The following TMC1 variants were observed in gnomAD, a reference collection of about 807,000 sequenced individuals.
TMC1 encodes the protein transmembrane channel like 1, also known as transmembrane channel-like protein 1.
In TMC1, 84 loss-of-function variants were observed where a neutral mutation model predicts 105.8. The ratio of observed to expected loss-of-function variants is 0.79; its 90% CI spans 0.67 to 0.95. The LOEUF is 0.95. TMC1 is among the 40% of genes least tolerant of loss of function. The pLI is 0.00. For synonymous variants in TMC1, 315 were observed against 311.5 expected (o/e 1.01, Z -0.12); for missense variants, 817 against 914.1 (o/e 0.89, Z 1.37).
chr9:72,805,515 G>A lies in TMC1; in HGVS notation c.1695+5G>A, dbSNP rs752415408. The A allele has an allele frequency of 6.3e-7, 1 of 1,588,784 alleles. No individual in the cohort carries two copies. Among genetic ancestry groups the A allele is most frequent in the South Asian group, 1.2e-5 (1 of 84,984 alleles). ...TGGGACTTGGAGTATGGATATGTAAGTATGATGTTAATTTTGCTTTTTTTT... is the reference window on the plus strand; with the variant it reads ...TGGGACTTGGAGTATGGATATGTAAATATGATGTTAATTTTGCTTTTTTTT... On this transcript the variant is annotated splice_donor_5th_base_variant and intron_variant, in intron 18 of 23. Transcript: ENST00000297784.
rs778291472 is a variant in TMC1, at chr9:72,548,566, T to TAA, written c.-428+26670_-428+26671dup. 2.3e-3 allele frequency among the ~76,000 whole-genome samples: 307 copies of TAA among 132,102 alleles called. 1 individual carries two copies. The highest frequency in any genetic ancestry group is 8.1e-3 in the African/African-American group (295 of 36,636). The allele number at this position is 132,102 out of a possible 152,430, so 86.7% of individuals were successfully genotyped here. A position where few individuals can be genotyped will look rare whatever the true frequency, so the allele number is the denominator to read the frequency against. On this transcript the variant is annotated intron_variant, in intron 1 of 23. Transcript: ENST00000297784. ...TGGGTGACAGAGTGAGACTCTGTCT[T>TAA]AAAAAAAAAAAAAAAAAAGTCTACA...
intron 8 of TMC1, among the ~76,000 whole-genome samples, chr9:72,714,771 G>A (rs1197030407): frequency 1.3e-5 from 2 of 152,080 alleles, no homozygotes; most frequent in East Asian, 1.9e-4. Context: ...TTACATTTAA[G>A]GTTAATATTG....
chr9:72,688,064 AT>A (rs2132183314), intron 5 of TMC1, among the ~76,000 whole-genome samples: 1 of 152,258 alleles, frequency 6.6e-6, no homozygotes, highest in African/African-American at 2.4e-5. Flanking sequence ...TGTATGTGTT[AT>A]GGGGTGAGGA....
At chr9:72,565,090 T>C (rs894466482) in intron 1 of TMC1, among the ~76,000 whole-genome samples, 3 of 152,350 alleles carry the variant, frequency 2.0e-5, no homozygotes, top group Admixed American at 1.3e-4. Flanking sequence ...TTACTCAGTA[T>C]TGGGCAGTTA....
chr9:72,641,128 C>G (rs1021979953), intron 4 of TMC1, among the ~76,000 whole-genome samples: 2 of 152,190 alleles, frequency 1.3e-5, no homozygotes, highest in African/African-American at 4.8e-5. Context: ...GGGCCTCACT[C>G]TGTTGCCCAG....
intron 2 of TMC1, among the ~76,000 whole-genome samples, chr9:72,598,973 G>GA (rs1824763542): frequency 6.6e-6 from 1 of 152,158 alleles, no homozygotes; most frequent in Non-Finnish European, 1.5e-5. Context: ...GGAATTTGTA[G>GA]GAAAGGCTTG....
At chr9:72,760,895 C>T (rs916032479) in intron 12 of TMC1, among the ~76,000 whole-genome samples, 9 of 152,066 alleles carry the variant, frequency 5.9e-5, no homozygotes, top group Non-Finnish European at 1.2e-4. Flanking sequence ...CATGAAAGCG[C>T]AGTGCTCTGT....
rs1397306960 is a variant in TMC1 at position 72,820,847 on chromosome 9, G to T, written c.1769G>T (p.Gly590Val). 1 of 1,614,048 alleles carries T rather than the reference G, an allele frequency of 6.2e-7. No individual in the cohort carries two copies. Among genetic ancestry groups the T allele is most frequent in the Admixed American group, 1.7e-5 (1 of 60,014 alleles). The change falls in exon 20 of 24, where the codon GGC (glycine) becomes GTC (valine). Residue 590 changes from glycine (G) to valine (V), a missense_variant. Transcript: ENST00000297784. ...LIFNQGMIWM[G>V]SFFAPSLPGI... ...GAGTTCTGTTTTCTTTCTAGGATGG[G>T]CTCCTTCTTTGCTCCCAGCCTCCCA...
At chr9:72,680,627 T>C (rs895248556) in intron 5 of TMC1, among the ~76,000 whole-genome samples, 3 of 152,166 alleles carry the variant, frequency 2.0e-5, no homozygotes, top group Admixed American at 2.0e-4. Flanking sequence ...ATCTAAGTTC[T>C]ATATTGCTCT....
chr9:72,529,111 T>A (rs1454484827), intron 1 of TMC1, among the ~76,000 whole-genome samples: 1 of 146,594 alleles, frequency 6.8e-6, no homozygotes, highest in Non-Finnish European at 1.5e-5. Flanking sequence ...TTTTTTTTTT[T>A]AATCAGGGAC....
chr9:72,536,184 C>G (rs1165919409), intron 1 of TMC1, among the ~76,000 whole-genome samples: 3 of 152,210 alleles, frequency 2.0e-5, no homozygotes, highest in African/African-American at 7.2e-5. Flanking sequence ...TTCTTTACAG[C>G]TGTGAGCTTG....
At chr9:72,821,525 A>G (rs1443334191) in intron 20 of TMC1, among the ~76,000 whole-genome samples, 2 of 150,712 alleles carry the variant, frequency 1.3e-5, no homozygotes, top group Admixed American at 6.6e-5. Context: ...AAAGAAAGAA[A>G]TGAGATCCTT....
intron 12 of TMC1, among the ~76,000 whole-genome samples, chr9:72,769,448 C>T (rs1827889768): frequency 6.6e-6 from 1 of 152,204 alleles, no homozygotes; most frequent in Admixed American, 6.5e-5. Flanking sequence ...CAGGACAGGC[C>T]TCTCCTTGCA....
At chr9:72,757,752 T>G (rs1442815291) in intron 12 of TMC1, among the ~76,000 whole-genome samples, 1 of 152,202 alleles carries the variant, frequency 6.6e-6, no homozygotes, top group Non-Finnish European at 1.5e-5. Context: ...TCGAAACATT[T>G]CATATCTTGG....
chr9:72,689,718 T>C (rs1416373293), intron 6 of TMC1, among the ~76,000 whole-genome samples: 2 of 152,142 alleles, frequency 1.3e-5, no homozygotes, highest in African/African-American at 4.8e-5. Context: ...TATGACAGTT[T>C]TATACTAAAA....
At chr9:72,540,738 G>A (rs1280432834) in intron 1 of TMC1, among the ~76,000 whole-genome samples, 1 of 152,118 alleles carries the variant, frequency 6.6e-6, no homozygotes, top group East Asian at 1.9e-4. Flanking sequence ...GCTCATGCAA[G>A]TGGCCACATG....
At chr9:72,771,056 A>G (rs1240071056) in intron 12 of TMC1, among the ~76,000 whole-genome samples, 1 of 152,208 alleles carries the variant, frequency 6.6e-6, no homozygotes, top group Non-Finnish European at 1.5e-5. Context: ...GTTGGCACAT[A>G]CAATTAAACA....
chr9:72,694,016 C>T lies in TMC1; in HGVS notation c.65-527C>T, dbSNP rs528798987. ...GAAAAAGGAGAAAAATATTTAGAAT[C>T]AAGAATGAAGAAAATTTAAATTGAG... On this transcript the variant is annotated intron_variant, in intron 6 of 23. Coordinates refer to ENST00000297784, the MANE Select transcript of TMC1 (RefSeq NM_138691.3). Among the ~76,000 whole-genome samples the T allele has an allele frequency of 2.0e-5, 3 of 151,684 alleles. No homozygotes were observed. In the South Asian group the frequency reaches 6.2e-4, roughly 32 times the overall value.
intron 8 of TMC1, among the ~76,000 whole-genome samples, chr9:72,739,291 A>G (rs1228130971): frequency 2.6e-5 from 4 of 152,166 alleles, no homozygotes; most frequent in Admixed American, 6.5e-5. Flanking sequence ...CCCATGGCCA[A>G]TTACCTCCTA....
Sources: gnomAD v4.1 joint callset for allele counts (sites outside exome capture counted in the v4.1 genomes callset) on GRCh38, gnomAD v4.1.1 for gene constraint, MANE v1.5 for transcripts, NCBI Gene and HGNC (gene_info 2026-07-23, HGNC 2026-07-21) for gene names.